TIMD4: variants seen among roughly 807,000 people sequenced by gnomAD.
TIMD4 encodes T cell immunoglobulin and mucin domain containing 4.
In TIMD4, 31 loss-of-function variants were observed where a neutral mutation model predicts 41.2. The observed-to-expected ratio is 0.75, with a 90% confidence interval of 0.57 to 1.01. The LOEUF is 1.01. Among genes scored for constraint, TIMD4 ranks in the 50% least tolerant of loss-of-function variants. The probability of loss-of-function intolerance (pLI) is 0.00; values close to 1 mark genes in which losing one functional copy is unlikely to be tolerated. For synonymous variants in TIMD4, 204 were observed against 177.1 expected, an observed-to-expected ratio of 1.15 and a Z score of -1.21; for missense variants, 479 against 472.5, an observed-to-expected ratio of 1.01 and a Z score of -0.13.
intron 3 of TIMD4, among the ~76,000 whole-genome samples, chr5:156,951,007 T>TAC (rs3068099): frequency 0.54 from 80,805 of 149,344 alleles, 23,535 homozygotes; most frequent in East Asian, 0.79. Flanking sequence ...CACCTCCTCG[T>TAC]ACACACACAC....
At chr5:156,961,893 A>T (rs1251551249) in intron 1 of TIMD4, among the ~76,000 whole-genome samples, 1 of 151,628 alleles carries the variant, frequency 6.6e-6, no homozygotes, top group Non-Finnish European at 1.5e-5. Flanking sequence ...TTCAGCCATA[A>T]AAAAAGAATG....
At chr5:156,945,436 T>C (rs757484650) in intron 5 of TIMD4, among the ~76,000 whole-genome samples, 8 of 152,234 alleles carry the variant, frequency 5.3e-5, no homozygotes, top group Non-Finnish European at 1.0e-4. Flanking sequence ...TCCATTTCTT[T>C]ACCTATAAAA....
At chr5:156,948,249 G>C (rs1316210045) in intron 5 of TIMD4, among the ~76,000 whole-genome samples, 167 bp downstream of exon 5, 1 of 151,372 alleles carries the variant, frequency 6.6e-6, no homozygotes, top group Non-Finnish European at 1.5e-5. Context: ...AACTTTGAGA[G>C]GCCAAGGCAG....
intron 5 of TIMD4, among the ~76,000 whole-genome samples, chr5:156,934,567 C>T (rs1464299998): frequency 2.0e-5 from 3 of 152,100 alleles, no homozygotes; most frequent in African/African-American, 7.2e-5. Context: ...GCTGAGATTA[C>T]AAGTGTGAGC....
chr5:156,948,217 AG>A (rs1759779948), intron 5 of TIMD4, among the ~76,000 whole-genome samples, 198 bp downstream of exon 5: 1 of 151,934 alleles, frequency 6.6e-6, no homozygotes, highest in Non-Finnish European at 1.5e-5. Context: ...ACACAGCCCC[AG>A]GCCAGGCAAG....
At chr5:156,922,038 C>T in intron 7 of TIMD4, 61 bp downstream of exon 7, 2 of 1,348,962 alleles carry the variant, frequency 1.5e-6, no homozygotes, top group South Asian at 2.5e-5. Context: ...GAGACAACTC[C>T]AGATCCTCCT....
At chr5:156,959,478 T>A (rs1195717778) in intron 1 of TIMD4, among the ~76,000 whole-genome samples, 5 of 152,200 alleles carry the variant, frequency 3.3e-5, no homozygotes, top group Admixed American at 1.3e-4. Context: ...GGTTCCTGTC[T>A]GTTGTAAAAG....
intron 5 of TIMD4, among the ~76,000 whole-genome samples, chr5:156,938,550 C>T (rs1255790894): frequency 6.6e-6 from 1 of 152,150 alleles, no homozygotes; most frequent in Non-Finnish European, 1.5e-5. Context: ...TCTGATTGTT[C>T]TCACACCTTC....
chr5:156,948,441 A>G lies in TIMD4; in HGVS notation c.819T>C (p.Asp273=). The G allele has an allele frequency of 6.5e-7, 1 of 1,548,378 alleles. No homozygotes were observed. Among genetic ancestry groups the G allele is most frequent in the Non-Finnish European group, 8.7e-7 (1 of 1,146,440 alleles). ...CTCCAGGCTGAGGAGAAGACACAGA[A>G]TCACTCGTTTTCCACATTGACACGT... ...TSHVSMWKTS[D]SVSSPQPGAS... is the part of the protein sequence containing the mutation. Residue 273 remains aspartate (D), a synonymous_variant, in exon 5 of 9, where the codon GAT becomes GAC. Coordinates refer to ENST00000274532, the MANE Select transcript of TIMD4 (RefSeq NM_138379.3).
intron 7 of TIMD4, among the ~76,000 whole-genome samples, chr5:156,921,891 G>T (rs576416691): frequency 6.6e-6 from 1 of 152,078 alleles, no homozygotes; most frequent in African/African-American, 2.4e-5. Context: ...TTTCCAAAAC[G>T]TAAACTCTAC....
intron 1 of TIMD4, among the ~76,000 whole-genome samples, chr5:156,960,065 A>G (rs1267778792): frequency 6.9e-6 from 1 of 144,430 alleles, no homozygotes; most frequent in African/African-American, 2.6e-5. Context: ...AAATATTTTG[A>G]AAAACAAAAG....
chr5:156,935,104 A>C (rs1300553603), intron 5 of TIMD4, among the ~76,000 whole-genome samples: 1 of 152,208 alleles, frequency 6.6e-6, no homozygotes, highest in Non-Finnish European at 1.5e-5. Context: ...TAAAAAATCC[A>C]AAAGAGCAAA....
At chr5:156,958,775 T>C (rs1264453509) in intron 1 of TIMD4, among the ~76,000 whole-genome samples, 1 of 152,192 alleles carries the variant, frequency 6.6e-6, no homozygotes, top group Non-Finnish European at 1.5e-5. Flanking sequence ...TCCATGTATA[T>C]GTGAATGAAA....
At chr5:156,935,353 CAA>C (rs1759520992) in intron 5 of TIMD4, 2 of 152,242 alleles carry the variant, frequency 1.3e-5, no homozygotes, top group Non-Finnish European at 1.5e-5. Flanking sequence ...TCCGGAATTT[CAA>C]AACTCCTTTT....
chr5:156,922,125 G>A lies in TIMD4; in HGVS notation c.986C>T (p.Ala329Val). The change falls in exon 7 of 9, where the codon GCA becomes GTA. Residue 329 changes from alanine to valine, a missense_variant. Transcript: ENST00000274532. ...IAPSLGFVLF[A>V]LFVAFLLRGK... ...TCTCAGGAGAAACGCCACAAACAAT[G>A]CGAAGAGCACAAATCCCAAGGAGGG... The A allele has an allele frequency of 6.2e-7, 1 of 1,613,932 alleles. No homozygotes were observed. Among genetic ancestry groups the A allele is most frequent in the Non-Finnish European group, 8.5e-7 (1 of 1,179,912 alleles).
rs533515136 is a variant in TIMD4 at position 156,934,564 on chromosome 5, T to A, written c.845-8252A>T. Among the ~76,000 whole-genome samples, 11 of 152,260 alleles carry A rather than the reference T, an allele frequency of 7.2e-5. No individual in the cohort carries two copies. In the East Asian group the frequency reaches 2.1e-3, roughly 29 times the overall value. On this transcript the variant is annotated intron_variant, in intron 5 of 8. Coordinates refer to ENST00000274532, the MANE Select transcript of TIMD4 (RefSeq NM_138379.3). ...AAGTCGTTCTCCCAAAGTGCTGAGA[T>A]TACAAGTGTGAGCTACCATGCCTGG... is the stretch of plus-strand genomic sequence containing the variant.
chr5:156,951,141 G>T (rs1031749898), intron 3 of TIMD4, among the ~76,000 whole-genome samples: 1 of 152,044 alleles, frequency 6.6e-6, no homozygotes, highest in Admixed American at 6.5e-5. Flanking sequence ...CCTTTAAAGA[G>T]ATAGTTAAGG....
At chr5:156,940,068 T>G (rs1186162322) in intron 5 of TIMD4, among the ~76,000 whole-genome samples, 3 of 152,238 alleles carry the variant, frequency 2.0e-5, no homozygotes, top group Non-Finnish European at 4.4e-5. Context: ...CTGATTCTCC[T>G]GCCTCAGCCT....
At chr5:156,961,985 A>G (rs1581639640) in intron 1 of TIMD4, among the ~76,000 whole-genome samples, 1 of 152,210 alleles carries the variant, frequency 6.6e-6, no homozygotes, top group East Asian at 1.9e-4. Context: ...AGAAAGACAA[A>G]TATTGCATGT....
Sources: allele counts gnomAD v4.1 joint callset (sites outside exome capture counted in the v4.1 genomes callset), GRCh38; gene constraint gnomAD v4.1.1; transcripts MANE v1.5; gene names NCBI Gene and HGNC (gene_info 2026-07-23, HGNC 2026-07-21).